FHIT: variants seen among roughly 807,000 people sequenced by gnomAD.
The protein encoded by FHIT is fragile histidine triad diadenosine triphosphatase.
In FHIT, 19 loss-of-function variants were observed where a neutral mutation model predicts 17.9. The observed-to-expected ratio is 1.06, with a 90% CI of 0.74 to 1.56. The LOEUF (loss-of-function observed/expected upper bound fraction) is 1.56. Among genes scored for constraint, FHIT ranks in the 40% most tolerant of loss-of-function variants. The pLI is 0.00. For synonymous variants in FHIT, 81 were observed against 69.7 expected (o/e 1.16, Z -0.81); for missense variants, 248 against 189.2 (o/e 1.31, Z -1.82).
At chr3:60,758,512 C>A (rs1174389297) in intron 4 of FHIT, among the ~76,000 whole-genome samples, 1 of 152,170 alleles carries the variant, frequency 6.6e-6, no homozygotes, top group Non-Finnish European at 1.5e-5. Flanking sequence ...AAATCTTACA[C>A]CCTTTTACCT....
chr3:60,829,773 C>T (rs1295816002), intron 3 of FHIT, among the ~76,000 whole-genome samples: 2 of 152,152 alleles, frequency 1.3e-5, no homozygotes, highest in Non-Finnish European at 1.5e-5. Flanking sequence ...CTCGGTAGAT[C>T]AGAATATGCC....
intron 2 of FHIT, among the ~76,000 whole-genome samples, chr3:61,078,617 A>G (rs1405748642): frequency 6.6e-6 from 1 of 152,198 alleles, no homozygotes; most frequent in Non-Finnish European, 1.5e-5. Context: ...TTAAAGACTG[A>G]TCATTGCTTA....
At chr3:60,742,748 G>C (rs558228359) in intron 4 of FHIT, among the ~76,000 whole-genome samples, 1 of 152,142 alleles carries the variant, frequency 6.6e-6, no homozygotes, top group Non-Finnish European at 1.5e-5. Flanking sequence ...CCTCAGCTCA[G>C]ACTGCCCCTG....
chr3:60,152,064 G>A (rs190925120), intron 5 of FHIT, among the ~76,000 whole-genome samples: 3 of 152,106 alleles, frequency 2.0e-5, no homozygotes, highest in Non-Finnish European at 4.4e-5. Flanking sequence ...ATCAATAAAT[G>A]AATCTTCCAA....
chr3:59,927,711 G>C (rs11712381), intron 7 of FHIT, among the ~76,000 whole-genome samples: 1 of 152,024 alleles, frequency 6.6e-6, no homozygotes, highest in South Asian at 2.1e-4. Context: ...GGAGGTTGCC[G>C]TGAGCCGAGA....
At chr3:61,178,099 T>C (rs1181538144) in intron 2 of FHIT, among the ~76,000 whole-genome samples, 1 of 152,226 alleles carries the variant, frequency 6.6e-6, no homozygotes, top group African/African-American at 2.4e-5. Flanking sequence ...GACCACCTGC[T>C]TAACGTTAAT....
intron 5 of FHIT, among the ~76,000 whole-genome samples, chr3:60,441,713 T>C (rs1451823057): frequency 4.6e-5 from 5 of 108,204 alleles, no homozygotes; most frequent in Non-Finnish European, 7.6e-5. Context: ...TATATATATA[T>C]ATATATATAT....
At chr3:59,784,397 C>T (rs1404394037) in intron 8 of FHIT, among the ~76,000 whole-genome samples, 1 of 152,234 alleles carries the variant, frequency 6.6e-6, no homozygotes. Context: ...AGTCAGCCAT[C>T]TGCTAGCTTC....
chr3:60,743,996 A>G (rs1197269140), intron 4 of FHIT, among the ~76,000 whole-genome samples: 1 of 152,162 alleles, frequency 6.6e-6, no homozygotes, highest in Non-Finnish European at 1.5e-5. Flanking sequence ...CTGCAGTGGC[A>G]GCTGGACTAG....
At chr3:60,440,081 A>G (rs1040078472) in intron 5 of FHIT, among the ~76,000 whole-genome samples, 1 of 152,084 alleles carries the variant, frequency 6.6e-6, no homozygotes, top group Non-Finnish European at 1.5e-5. Flanking sequence ...GTCTCATTTT[A>G]TATGCACAAC....
At chr3:59,973,888 T>C (rs1352449456) in intron 7 of FHIT, among the ~76,000 whole-genome samples, 1 of 151,984 alleles carries the variant, frequency 6.6e-6, no homozygotes, top group Non-Finnish European at 1.5e-5. Flanking sequence ...GCTTCCTATT[T>C]CTTCTTGTGG....
At chr3:59,948,714 T>C (rs57077895) in intron 7 of FHIT, among the ~76,000 whole-genome samples, 17,141 of 152,092 alleles carry the variant, frequency 0.11, 1,391 homozygotes, top group African/African-American at 0.23. Flanking sequence ...CATTTCCCTA[T>C]GGGCTGGTGA....
intron 8 of FHIT, among the ~76,000 whole-genome samples, chr3:59,823,803 T>A (rs913992390): frequency 3.3e-5 from 5 of 152,108 alleles, no homozygotes; most frequent in African/African-American, 1.2e-4. Flanking sequence ...AAGGATGCCC[T>A]CTGTCACCAC....
chr3:60,697,967 G>A (rs2041152524), intron 4 of FHIT, among the ~76,000 whole-genome samples: 1 of 152,116 alleles, frequency 6.6e-6, no homozygotes, highest in Non-Finnish European at 1.5e-5. Flanking sequence ...AATCAAATAG[G>A]TAAAATGGAT....
chr3:59,751,186 A>G (rs893117749), intron 9 of FHIT: 1 of 179,390 alleles, frequency 5.6e-6, no homozygotes, highest in Admixed American at 6.3e-5. Context: ...CCAGTATTGC[A>G]TGGTAACCCT....
intron 5 of FHIT, among the ~76,000 whole-genome samples, chr3:60,171,774 C>T (rs142709414): frequency 7.9e-5 from 12 of 152,258 alleles, no homozygotes; most frequent in African/African-American, 2.9e-4. Flanking sequence ...GGCATCATTA[C>T]AGTTCACTGT....
At position 59,894,746 on chromosome 3, in the gene FHIT, G is replaced by A. The variant is rs917844923; in HGVS notation, c.348+27600C>T. ...AAAGTGATCAATTTGGTACATTCTT[G>A]ACTTAAAACAATCACTTGGACTTCT... On this transcript the variant is annotated intron_variant, in intron 8 of 9. Coordinates refer to ENST00000492590, the MANE Select transcript of FHIT (RefSeq NM_002012.4). Among the ~76,000 whole-genome samples, 17 of 152,290 alleles carry A rather than the reference G, an allele frequency of 1.1e-4. No homozygotes were observed. In the South Asian group the frequency reaches 2.1e-3, roughly 19 times the overall value.
At chr3:60,662,236 C>A (rs1263182671) in intron 4 of FHIT, among the ~76,000 whole-genome samples, 1 of 152,166 alleles carries the variant, frequency 6.6e-6, no homozygotes, top group Admixed American at 6.6e-5. Flanking sequence ...AGATGAGGAT[C>A]CAGTTTCATT....
At chr3:59,777,698 C>G (rs530088381) in intron 8 of FHIT, among the ~76,000 whole-genome samples, 2 of 152,256 alleles carry the variant, frequency 1.3e-5, no homozygotes, top group South Asian at 4.1e-4. Context: ...CTAATACCTT[C>G]TAACTCTAAT....
Sources: gnomAD v4.1 joint callset for allele counts (sites outside exome capture counted in the v4.1 genomes callset) on GRCh38, gnomAD v4.1.1 for gene constraint, MANE v1.5 for transcripts, NCBI Gene and HGNC (gene_info 2026-07-23, HGNC 2026-07-21) for gene names.